The following TMEFF2 variants were observed in gnomAD, a reference collection of about 807,000 sequenced individuals.
The protein encoded by TMEFF2 is transmembrane protein with EGF like and two follistatin like domains 2.
A neutral mutation model predicts 53.8 loss-of-function variants in TMEFF2; 28 were observed. The ratio of observed to expected loss-of-function variants is 0.52; its 90% confidence interval spans 0.39 to 0.71. TMEFF2 has a LOEUF of 0.71. TMEFF2 is among the 30% of genes least tolerant of loss of function. The pLI, the probability that TMEFF2 is intolerant of heterozygous loss-of-function variation, is 0.00. For synonymous variants in TMEFF2, 162 were observed against 166.3 expected (o/e 0.97, Z 0.20); for missense variants, 353 against 455.2 (o/e 0.78, Z 2.04).
chr2:192,168,996 AG>A (rs1690840748), intron 4 of TMEFF2, among the ~76,000 whole-genome samples: 1 of 151,932 alleles, frequency 6.6e-6, no homozygotes, highest in Admixed American at 6.6e-5. Flanking sequence ...TGGGACTATA[AG>A]CACATGCCAT....
intron 8 of TMEFF2, among the ~76,000 whole-genome samples, 200 bp downstream of exon 8, chr2:191,956,054 GT>G (rs1162070908): frequency 2.0e-5 from 3 of 151,754 alleles, no homozygotes; most frequent in African/African-American, 7.3e-5. Flanking sequence ...ACTTGAGTGT[GT>G]AAGGTGCACA....
intron 5 of TMEFF2, among the ~76,000 whole-genome samples, chr2:192,047,069 T>A (rs928738016): frequency 6.6e-6 from 1 of 152,068 alleles, no homozygotes; most frequent in African/African-American, 2.4e-5. Flanking sequence ...TACAGGCACA[T>A]GCTGCCATGC....
At chr2:191,999,909 A>G (rs1208596272) in intron 5 of TMEFF2, among the ~76,000 whole-genome samples, 1 of 152,044 alleles carries the variant, frequency 6.6e-6, no homozygotes, top group Non-Finnish European at 1.5e-5. Context: ...TCCGAGATAT[A>G]CACTACTATT....
intron 4 of TMEFF2, among the ~76,000 whole-genome samples, chr2:192,128,579 GTATC>G (rs1365029971): frequency 3.3e-5 from 5 of 152,180 alleles, no homozygotes; most frequent in African/African-American, 4.8e-5. Flanking sequence ...TAGACAAACA[GTATC>G]TATTTTAATT....
At chr2:192,133,239 T>C (rs888611446) in intron 4 of TMEFF2, among the ~76,000 whole-genome samples, 2 of 152,156 alleles carry the variant, frequency 1.3e-5, no homozygotes, top group African/African-American at 2.4e-5. Context: ...CTGCATCTCA[T>C]TGCCGCCCTT....
At chr2:192,009,549 T>C (rs6759152) in intron 5 of TMEFF2, among the ~76,000 whole-genome samples, 145,125 of 152,140 alleles carry the variant, frequency 0.95, 69,622 homozygotes, top group East Asian at 1. Context: ...CAAATGTTTA[T>C]CCTTCATGAT....
intron 5 of TMEFF2, among the ~76,000 whole-genome samples, chr2:192,025,321 T>C (rs1233423406): frequency 6.6e-6 from 1 of 152,088 alleles, no homozygotes; most frequent in Non-Finnish European, 1.5e-5. Flanking sequence ...AAGTTACTGG[T>C]TAAGCTGATG....
At chr2:192,169,957 C>A (rs1806733) in intron 4 of TMEFF2, among the ~76,000 whole-genome samples, 79,456 of 150,722 alleles carry the variant, frequency 0.53, 20,953 homozygotes, top group East Asian at 0.63. Context: ...TTTAATATCA[C>A]CCCACTATTT....
chr2:192,132,739 C>T (rs1170777616), intron 4 of TMEFF2, among the ~76,000 whole-genome samples: 1 of 152,164 alleles, frequency 6.6e-6, no homozygotes, highest in Non-Finnish European at 1.5e-5. Flanking sequence ...GGAATGCCTG[C>T]AGCCCAGGAT....
chr2:192,118,982 T>C (rs937669762), intron 4 of TMEFF2, among the ~76,000 whole-genome samples: 62 of 152,324 alleles, frequency 4.1e-4, no homozygotes, highest in Middle Eastern at 3.4e-3. Context: ...GTCTCTACTT[T>C]ATTCTCAGAG....
intron 5 of TMEFF2, among the ~76,000 whole-genome samples, chr2:192,011,486 A>T (rs1016559744): frequency 6.6e-6 from 1 of 152,258 alleles, no homozygotes; most frequent in Non-Finnish European, 1.5e-5. Context: ...ATTATTCTTA[A>T]GCCTGAGTGT....
chr2:192,175,881 GC>G (rs1178330076), intron 4 of TMEFF2, among the ~76,000 whole-genome samples: 1 of 151,150 alleles, frequency 6.6e-6, no homozygotes, highest in East Asian at 1.9e-4. Context: ...AAAGATCTAA[GC>G]AATACATAAA....
rs556073166 is a variant in TMEFF2, at chr2:192,076,967, T to C, written c.440-19192A>G. 1.4e-4 allele frequency among the ~76,000 whole-genome samples: 21 copies of C among 152,332 alleles called. 1 individual carries two copies. In the Middle Eastern group the frequency reaches 0.017, roughly 123 times the overall value. On this transcript the variant is annotated intron_variant, in intron 4 of 9. Coordinates refer to ENST00000272771, the MANE Select transcript of TMEFF2 (RefSeq NM_016192.4). The stretch of plus-strand genomic sequence containing the variant: ...CAAATGGGACAATCCGAGCTTCAGT[T>C]TGACCCTTTTCCTACTGTTAGCATT...
chr2:192,194,344 T>G lies in TMEFF2; in HGVS notation c.172+9A>C. 1.2e-6 allele frequency: 2 copies of G among 1,613,916 alleles called. No individual in the cohort carries two copies. The highest frequency in any genetic ancestry group is 2.2e-5 in the South Asian group (2 of 91,066). The stretch of plus-strand genomic sequence containing the variant: ...GTTAAAGGGTCGGGGACGGGGGTTC[T>G]GGACTTACCAGAGCAATTCCAGCCG... On this transcript the variant is annotated intron_variant, in intron 1 of 9. Transcript: ENST00000272771. The surrounding 1 kb of genome is among the most constrained non-coding windows in gnomAD (Gnocchi z 4.2).
Position 192,184,693 on chromosome 2 carries a change from C to A in TMEFF2, c.283-210G>T, listed in dbSNP as rs377525671. 7.9e-5 allele frequency among the ~76,000 whole-genome samples: 12 copies of A among 152,082 alleles called. No individual in the cohort carries two copies. In the East Asian group the frequency reaches 1.4e-3, roughly 17 times the overall value. ...AACCAGTCATTTGATTTAGATAGGG[C>A]AAAAATAAGCATCTAAATTGATCAG... is the stretch of plus-strand genomic sequence containing the variant. On this transcript the variant is annotated intron_variant, in intron 2 of 9. Transcript: ENST00000272771.
At chr2:192,149,099 C>G (rs745952733) in intron 4 of TMEFF2, among the ~76,000 whole-genome samples, 1 of 151,870 alleles carries the variant, frequency 6.6e-6, no homozygotes, top group Admixed American at 6.6e-5. Flanking sequence ...CTACAATATT[C>G]AGGCCTTTAA....
chr2:192,001,730 CTCTCT>C (rs1429906641), intron 5 of TMEFF2, among the ~76,000 whole-genome samples: 27 of 147,716 alleles, frequency 1.8e-4, no homozygotes, highest in African/African-American at 6.4e-4. Flanking sequence ...CCTGCACAAG[CTCTCT>C]TCTCTTGTCT....
At chr2:191,972,308 C>CCTTTTTTTTTTTTTTT (rs1692669457) in intron 7 of TMEFF2, among the ~76,000 whole-genome samples, 1 of 72,830 alleles carries the variant, frequency 1.4e-5, no homozygotes, top group African/African-American at 6.0e-5. Flanking sequence ...TCATGCCCAG[C>CCTTTTTTTTTTTTTTT]TTTTTTTTTT....
At chr2:192,163,388 T>C (rs1574426461) in intron 4 of TMEFF2, among the ~76,000 whole-genome samples, 2 of 152,360 alleles carry the variant, frequency 1.3e-5, no homozygotes, top group South Asian at 4.1e-4. Context: ...ATATTTGCTA[T>C]ATTTGTAAGG....
Sources: gnomAD v4.1 joint callset for allele counts (sites outside exome capture counted in the v4.1 genomes callset) on GRCh38, gnomAD v4.1.1 for gene constraint, Gnocchi (gnomAD v3.1) non-coding constraint, MANE v1.5 for transcripts, NCBI Gene and HGNC (gene_info 2026-07-23, HGNC 2026-07-21) for gene names.